The following GALNT5 variants were observed in gnomAD, a reference collection of about 807,000 sequenced individuals.
GALNT5 encodes the protein polypeptide N-acetylgalactosaminyltransferase 5, also known as UDP-GalNAc:polypeptide N-acetylgalactosaminyltransferase 5.
A neutral mutation model predicts 85.4 loss-of-function variants in GALNT5; 72 were observed. That is an observed-to-expected ratio of 0.84 (90% confidence interval 0.70 to 1.03). The LOEUF is 1.03. Among genes scored for constraint, GALNT5 ranks in the 50% least tolerant of loss-of-function variants. The pLI, the probability that GALNT5 is intolerant of heterozygous loss-of-function variation, is 0.00. For synonymous variants in GALNT5, 404 were observed against 397.0 expected (o/e 1.02, Z -0.21); for missense variants, 1,137 against 1,135.5 (o/e 1.00, Z -0.02).
chr2:157,296,497 G>C lies in GALNT5; in HGVS notation c.1981G>C (p.Glu661Gln). The change falls in exon 5 of 10, where the codon GAA becomes CAA. Residue 661 changes from glutamate to glutamine, a missense_variant. Coordinates refer to ENST00000259056, the MANE Select transcript of GALNT5 (RefSeq NM_014568.3). ...TGTCATTGCAAAAAACAGAATTAAAGAAACTGATACAATAAGGTAAGTGTG... is the reference window on the plus strand; with the variant it reads ...TGTCATTGCAAAAAACAGAATTAAACAAACTGATACAATAAGGTAAGTGTG... ...PDVIAKNRIK[E>Q]TDTIRCPVMA... The C allele has an allele frequency of 6.2e-7, 1 of 1,609,528 alleles. No individual in the cohort carries two copies. The highest frequency in any genetic ancestry group is 8.5e-7 in the Non-Finnish European group (1 of 1,176,222).
rs186006507 is a variant in GALNT5, at chr2:157,315,167, G to T, written c.*3819G>T. On this transcript the variant is annotated 3_prime_UTR_variant, in exon 10 of 10. Coordinates refer to ENST00000259056, the MANE Select transcript of GALNT5 (RefSeq NM_014568.3). Reference sequence around the variant, plus strand: ...AATGACATTGGGTGATGGGAAAAAAGAAAGGAACTAATTATCATTGAGTGT... The same window carrying T: ...AATGACATTGGGTGATGGGAAAAAATAAAGGAACTAATTATCATTGAGTGT... Among the ~76,000 whole-genome samples, 2 of 152,258 alleles carry T rather than the reference G, an allele frequency of 1.3e-5. No individual in the cohort carries two copies. Among genetic ancestry groups the T allele is most frequent in the Admixed American group, 1.3e-4 (2 of 15,290 alleles).
At chr2:157,294,790 A>T (rs1410043695) in intron 3 of GALNT5, among the ~76,000 whole-genome samples, 4 of 5,252 alleles carry the variant, frequency 7.6e-4, no homozygotes, top group Admixed American at 3.9e-3. Context: ...CACACCACAC[A>T]CACACACACA....
intron 9 of GALNT5, 21 bp downstream of exon 9, chr2:157,308,749 T>A (rs1272531694): frequency 8.2e-6 from 13 of 1,580,818 alleles, no homozygotes; most frequent in Admixed American, 5.5e-5. Context: ...GATTGGTACC[T>A]CTTCTTTACC....
chr2:157,309,090 G>A (rs1683516374), intron 9 of GALNT5, among the ~76,000 whole-genome samples: 1 of 152,144 alleles, frequency 6.6e-6, no homozygotes, highest in Admixed American at 6.5e-5. Context: ...GGGCAACACA[G>A]GAAGCAGCAT....
At chr2:157,292,418 G>A (rs1412331036) in intron 3 of GALNT5, among the ~76,000 whole-genome samples, 1 of 152,136 alleles carries the variant, frequency 6.6e-6, no homozygotes, top group Non-Finnish European at 1.5e-5. Flanking sequence ...ATGCACAGGA[G>A]GATTCTCCTC....
chr2:157,288,209 G>A (rs1180453264), intron 3 of GALNT5, among the ~76,000 whole-genome samples: 1 of 152,148 alleles, frequency 6.6e-6, no homozygotes, highest in African/African-American at 2.4e-5. Context: ...CATATTTGAA[G>A]CTCTTCTCAT....
chr2:157,290,112 T>TATATACACACAC (rs1416458086), intron 3 of GALNT5, among the ~76,000 whole-genome samples: 3 of 138,232 alleles, frequency 2.2e-5, no homozygotes, highest in African/African-American at 6.2e-5. Context: ...TATATATATA[T>TATATACACACAC]ACATACACAA....
chr2:157,276,113 C>T (rs536502828), intron 1 of GALNT5, among the ~76,000 whole-genome samples: 30 of 152,102 alleles, frequency 2.0e-4, no homozygotes, highest in East Asian at 5.8e-4. Context: ...GTTTATGTGA[C>T]GGATTACATT....
Position 157,312,677 on chromosome 2 carries a change from A to C in GALNT5, c.*1329A>C, listed in dbSNP as rs1439258637. 1 of 152,114 alleles carries C rather than the reference A, an allele frequency of 6.6e-6. No homozygotes were observed. Among genetic ancestry groups the C allele is most frequent in the East Asian group, 1.9e-4 (1 of 5,196 alleles). 9.4% of individuals were successfully genotyped at this position (152,114 alleles called of 1,614,324 possible). On this transcript the variant is annotated 3_prime_UTR_variant, in exon 10 of 10. Coordinates refer to ENST00000259056, the MANE Select transcript of GALNT5 (RefSeq NM_014568.3). Reference sequence around the variant, plus strand: ...TGATGCTGAGAGGATAAATTACCTAAAAATCTTAAAACCCAGGCAAGTTAG... The same window carrying C: ...TGATGCTGAGAGGATAAATTACCTACAAATCTTAAAACCCAGGCAAGTTAG...
chr2:157,260,359 C>T (rs1682309957), intron 1 of GALNT5, among the ~76,000 whole-genome samples: 1 of 152,226 alleles, frequency 6.6e-6, no homozygotes, highest in South Asian at 2.1e-4. Flanking sequence ...TAATGCAGTT[C>T]TAAAGCTGCC....
chr2:157,315,785 G>A lies in GALNT5; in HGVS notation c.*4437G>A, dbSNP rs1338766610. 2.6e-5 allele frequency among the ~76,000 whole-genome samples: 4 copies of A among 152,150 alleles called. No individual in the cohort carries two copies. The highest frequency in any genetic ancestry group is 4.4e-5 in the Non-Finnish European group (3 of 68,028). ...CTCCATTTTCTGGGGAAATACCCATGGTTCATTGTCTGATGCCAAGAAAGA... is the reference window on the plus strand; with the variant it reads ...CTCCATTTTCTGGGGAAATACCCATAGTTCATTGTCTGATGCCAAGAAAGA... On this transcript the variant is annotated 3_prime_UTR_variant, in exon 10 of 10. Coordinates refer to ENST00000259056, the MANE Select transcript of GALNT5 (RefSeq NM_014568.3).
chr2:157,267,419 T>TAC (rs1488577306), intron 1 of GALNT5, among the ~76,000 whole-genome samples: 8 of 152,192 alleles, frequency 5.3e-5, no homozygotes, highest in African/African-American at 1.4e-4. Context: ...GGAAAGCACT[T>TAC]ACAGGTAAAT....
Position 157,313,731 on chromosome 2 carries a change from A to T in GALNT5, c.*2383A>T, listed in dbSNP as rs754078613. The T allele has an allele frequency of 2.6e-5, 4 of 152,092 alleles. No homozygotes were observed. Among genetic ancestry groups the T allele is most frequent in the Non-Finnish European group, 4.4e-5 (3 of 67,992 alleles). The allele number at this position is 152,092 out of a possible 1,614,324, so 9.4% of individuals were successfully genotyped here. The stretch of plus-strand genomic sequence containing the variant: ...GGGTATATCAACTAAAGGAAGTTGG[A>T]TTTTTTTCCTTAACAGAAACTTCTG... On this transcript the variant is annotated 3_prime_UTR_variant, in exon 10 of 10. Transcript: ENST00000259056.
Position 157,258,456 on chromosome 2 carries a change from C to T in GALNT5, c.374C>T (p.Pro125Leu), listed in dbSNP as rs144546271. 22 of 1,605,404 alleles carry T rather than the reference C, an allele frequency of 1.4e-5. No individual in the cohort carries two copies. Among genetic ancestry groups the T allele is most frequent in the East Asian group, 6.7e-5 (3 of 44,706 alleles). Reference sequence around the variant, plus strand: ...GCCCTGGGAAGGGGCAAGGTTGTGCCGTTGTGGCATCCTGCACATCTGCAG... The same window carrying T: ...GCCCTGGGAAGGGGCAAGGTTGTGCTGTTGTGGCATCCTGCACATCTGCAG... ...QNALGRGKVV[P>L]LWHPAHLQTL... Residue 125 changes from proline to leucine, a missense_variant, in exon 1 of 10, where the codon CCG (proline) becomes CTG (leucine). Coordinates refer to ENST00000259056, the MANE Select transcript of GALNT5 (RefSeq NM_014568.3).
intron 4 of GALNT5, among the ~76,000 whole-genome samples, chr2:157,296,097 G>A (rs1361105705): frequency 6.6e-6 from 1 of 151,814 alleles, no homozygotes; most frequent in Non-Finnish European, 1.5e-5. Context: ...CTCAAATTTA[G>A]TTCTTATTTC....
At position 157,312,338 on chromosome 2, in the gene GALNT5, A is replaced by G. The variant is rs1683593113; in HGVS notation, c.*990A>G. ...ATATGCGAAAAATGGGTTCTAAAAT[A>G]TTTCAAAGGGAAAATGAAGTGAAGG... On this transcript the variant is annotated 3_prime_UTR_variant, in exon 10 of 10. Transcript: ENST00000259056. 1 of 152,030 alleles carries G rather than the reference A, an allele frequency of 6.6e-6. No individual in the cohort carries two copies. Among genetic ancestry groups the G allele is most frequent in the African/African-American group, 2.4e-5 (1 of 41,434 alleles). 9.4% of individuals were successfully genotyped at this position (152,030 alleles called of 1,614,324 possible).
At chr2:157,278,861 GC>G (rs760145151) in intron 1 of GALNT5, among the ~76,000 whole-genome samples, 20 of 152,236 alleles carry the variant, frequency 1.3e-4, no homozygotes, top group Admixed American at 4.6e-4. Flanking sequence ...TCCATCGCTG[GC>G]TAGGAGCTGC....
chr2:157,284,121 A>C (rs1682914752), intron 1 of GALNT5, among the ~76,000 whole-genome samples, 161 bp from the exon 2 acceptor site: 1 of 152,238 alleles, frequency 6.6e-6, no homozygotes, highest in Admixed American at 6.5e-5. Flanking sequence ...TAAATAATAA[A>C]ATCATCATTG....
rs1265913772 is a variant in GALNT5, at chr2:157,315,084, T to A, written c.*3736T>A. Among the ~76,000 whole-genome samples, 1 of 144,956 alleles carries A rather than the reference T, an allele frequency of 6.9e-6. No homozygotes were observed. The highest frequency in any genetic ancestry group is 1.5e-5 in the Non-Finnish European group (1 of 67,876). The stretch of plus-strand genomic sequence containing the variant: ...CAGAGCAAGACTCTATCTCAAAAAA[T>A]AATAATAATAATTTTTACCTCAGAA... On this transcript the variant is annotated 3_prime_UTR_variant, in exon 10 of 10. Transcript: ENST00000259056.
Sources: allele counts gnomAD v4.1 joint callset (sites outside exome capture counted in the v4.1 genomes callset), GRCh38; gene constraint gnomAD v4.1.1; transcripts MANE v1.5; gene names NCBI Gene and HGNC (gene_info 2026-07-23, HGNC 2026-07-21).